Variants in HS2ST1 observed in about 807,000 individuals in gnomAD.
HS2ST1 encodes 2-O-sulfotransferase.
Under a neutral mutation model 42.9 loss-of-function variants are expected in HS2ST1, and 18 were observed. The observed-to-expected ratio is 0.42, with a 90% confidence interval of 0.29 to 0.62. The LOEUF (loss-of-function observed/expected upper bound fraction) is 0.62, where lower values mean the gene tolerates loss of function less well. Ranked by LOEUF, HS2ST1 falls within the 20% of genes least tolerant of loss-of-function variation. The probability of loss-of-function intolerance (pLI) is 0.21; values close to 1 mark genes in which losing one functional copy is unlikely to be tolerated. For missense variants in HS2ST1, 334 were observed against 433.8 expected (o/e 0.77, Z 2.04); for synonymous variants, 146 against 152.9 (o/e 0.95, Z 0.33).
At chr1:87,075,161 C>CTTTTTTTTTT (rs34812948) in intron 2 of HS2ST1, among the ~76,000 whole-genome samples, 5 of 48,596 alleles carry the variant, frequency 1.0e-4, no homozygotes, top group African/African-American at 2.7e-4. Flanking sequence ...TCTCAGCTAC[C>CTTTTTTTTTT]TTTTTTTTTT....
In HS2ST1 at chr1:87,056,960, G is replaced by A. The variant is rs1044608569; in HGVS notation, c.125-15974G>A. On this transcript the variant is annotated intron_variant, in intron 1 of 6. Transcript: ENST00000370550. ...CCAATTATTTGAAAAGGCTACTAAA[G>A]TACTCCTTTTCCAACTGTATCTATA... is the stretch of plus-strand genomic sequence containing the variant. 2.8e-4 allele frequency among the ~76,000 whole-genome samples: 43 copies of A among 152,244 alleles called. 1 individual carries two copies. Among genetic ancestry groups the A allele is most frequent in the African/African-American group, 7.7e-4 (32 of 41,544 alleles).
At chr1:87,008,911 A>G (rs1466070949) in intron 1 of HS2ST1, among the ~76,000 whole-genome samples, 2 of 152,122 alleles carry the variant, frequency 1.3e-5, no homozygotes, top group East Asian at 3.9e-4. Context: ...TGGTGCAATC[A>G]TGGCTCACTG....
At position 87,101,161 on chromosome 1, in the gene HS2ST1, T is replaced by G. The variant is rs1263087478; in HGVS notation, c.687-2271T>G. Among the ~76,000 whole-genome samples the G allele has an allele frequency of 2.2e-3, 243 of 111,982 alleles. 7 individuals are homozygous for G. Among genetic ancestry groups the G allele is most frequent in the African/African-American group, 8.0e-3 (228 of 28,524 alleles). The allele number at this position is 111,982 out of a possible 152,430, so 73.5% of individuals were successfully genotyped here. On this transcript the variant is annotated intron_variant, in intron 5 of 6. Coordinates refer to ENST00000370550, the MANE Select transcript of HS2ST1 (RefSeq NM_012262.4). Reference sequence around the variant, plus strand: ...TGTGTGTGTGTGTGTTTTTTGTTTTTTTTTTTTTTTTTTTTTTTTTTTTTG... The same window carrying G: ...TGTGTGTGTGTGTGTTTTTTGTTTTGTTTTTTTTTTTTTTTTTTTTTTTTG...
intron 1 of HS2ST1, among the ~76,000 whole-genome samples, chr1:87,033,349 G>A (rs991124680): frequency 5.3e-5 from 8 of 152,174 alleles, no homozygotes; most frequent in African/African-American, 1.9e-4. Context: ...ATTAGGTAAT[G>A]AGGAATCTTT....
intron 2 of HS2ST1, among the ~76,000 whole-genome samples, chr1:87,083,251 G>GAA (rs1651735408): frequency 6.6e-6 from 1 of 152,158 alleles, no homozygotes; most frequent in Non-Finnish European, 1.5e-5. Flanking sequence ...TGATGTAAGT[G>GAA]AAAGATTGAT....
At chr1:86,965,411 T>C (rs540332409) in intron 1 of HS2ST1, among the ~76,000 whole-genome samples, 2 of 152,312 alleles carry the variant, frequency 1.3e-5, no homozygotes, top group African/African-American at 4.8e-5. Context: ...TTTTTTCTTT[T>C]GTGGCCTTCC....
intron 3 of HS2ST1, among the ~76,000 whole-genome samples, chr1:87,091,563 G>T (rs1651944431): frequency 6.6e-6 from 1 of 151,948 alleles, no homozygotes; most frequent in African/African-American, 2.4e-5. Flanking sequence ...GAAAGGGAGA[G>T]AAACTGAATG....
chr1:87,078,779 A>G lies in HS2ST1; in HGVS notation c.364-5415A>G, dbSNP rs576805727. Among the ~76,000 whole-genome samples the G allele has an allele frequency of 3.9e-5, 6 of 152,292 alleles. No individual in the cohort carries two copies. In the East Asian group the frequency reaches 1.2e-3, roughly 29 times the overall value. ...CTCTTCTTACTCCTCTGTATTTTCA[A>G]ACCTTGTCTCAAGGTCTTAGGCAGC... On this transcript the variant is annotated intron_variant, in intron 2 of 6. Coordinates refer to ENST00000370550, the MANE Select transcript of HS2ST1 (RefSeq NM_012262.4).
intron 1 of HS2ST1, among the ~76,000 whole-genome samples, chr1:87,008,481 A>G (rs926425233): frequency 1.3e-5 from 2 of 152,232 alleles, no homozygotes; most frequent in Non-Finnish European, 2.9e-5. Flanking sequence ...CTGAGCAACA[A>G]TGACATGAAT....
chr1:86,987,909 A>G (rs1648837080), intron 1 of HS2ST1, among the ~76,000 whole-genome samples: 1 of 152,146 alleles, frequency 6.6e-6, no homozygotes, highest in Non-Finnish European at 1.5e-5. Flanking sequence ...TGTTTTGGAA[A>G]ATCTTCCCTT....
chr1:86,933,384 T>C (rs767789890), intron 1 of HS2ST1, among the ~76,000 whole-genome samples: 7 of 152,274 alleles, frequency 4.6e-5, no homozygotes, highest in Non-Finnish European at 1.5e-5. Flanking sequence ...TTGGGAAGTT[T>C]CTATCAACGT....
intron 1 of HS2ST1, among the ~76,000 whole-genome samples, 197 bp downstream of exon 1, chr1:86,915,357 C>T (rs966391874): frequency 1.3e-5 from 2 of 152,188 alleles, no homozygotes; most frequent in East Asian, 3.9e-4. Flanking sequence ...GCGTGCTGGG[C>T]TCGCGAGGTC....
chr1:86,976,014 C>G (rs1354167530), intron 1 of HS2ST1, among the ~76,000 whole-genome samples: 1 of 152,080 alleles, frequency 6.6e-6, no homozygotes, highest in Non-Finnish European at 1.5e-5. Context: ...TATTTTTTGT[C>G]CTAATTATCT....
chr1:87,005,623 A>G (rs1649416962), intron 1 of HS2ST1, among the ~76,000 whole-genome samples: 1 of 152,160 alleles, frequency 6.6e-6, no homozygotes, highest in South Asian at 2.1e-4. Context: ...CTTCCTTTAT[A>G]TATCATCACT....
chr1:87,037,554 CAAT>C (rs1347297343), intron 1 of HS2ST1, among the ~76,000 whole-genome samples: 1 of 150,842 alleles, frequency 6.6e-6, no homozygotes, highest in Admixed American at 6.6e-5. Flanking sequence ...AAAATTACAT[CAAT>C]AATATGTCTT....
chr1:87,007,259 C>G (rs1341511495), intron 1 of HS2ST1, among the ~76,000 whole-genome samples: 1 of 152,020 alleles, frequency 6.6e-6, no homozygotes, highest in Non-Finnish European at 1.5e-5. Context: ...CGTACTTTCA[C>G]ACACACATAT....
chr1:87,034,637 A>G (rs915793670), intron 1 of HS2ST1, among the ~76,000 whole-genome samples: 1 of 152,214 alleles, frequency 6.6e-6, no homozygotes, highest in African/African-American at 2.4e-5. Context: ...AAGCCTTTCA[A>G]ATTCTCTCAG....
intron 1 of HS2ST1, among the ~76,000 whole-genome samples, chr1:86,985,445 CATAT>C (rs1452623631): frequency 3.6e-5 from 2 of 55,968 alleles, no homozygotes; most frequent in East Asian, 2.0e-3. Flanking sequence ...CATATATACA[CATAT>C]ATACACACAT....
intron 1 of HS2ST1, among the ~76,000 whole-genome samples, chr1:87,007,492 A>G (rs996091238): frequency 1.3e-5 from 2 of 152,128 alleles, no homozygotes; most frequent in African/African-American, 2.4e-5. Flanking sequence ...GCACTGTGAG[A>G]GCATTATATT....
Sources: gnomAD v4.1 joint callset for allele counts (sites outside exome capture counted in the v4.1 genomes callset) on GRCh38, gnomAD v4.1.1 for gene constraint, MANE v1.5 for transcripts, NCBI Gene and HGNC (gene_info 2026-07-23, HGNC 2026-07-21) for gene names.